Variants in TNR observed in about 807,000 individuals in gnomAD.
TNR encodes the protein tenascin R, also known as tenascin-R.
In TNR, 45 loss-of-function variants were observed where a neutral mutation model predicts 150.4. That is an observed-to-expected ratio of 0.30 (90% CI 0.24 to 0.38). The LOEUF (loss-of-function observed/expected upper bound fraction) is 0.38. Ranked by LOEUF, TNR falls within the 10% of genes least tolerant of loss-of-function variation. The pLI, the probability that TNR is intolerant of heterozygous loss-of-function variation, is 1.00. For synonymous variants in TNR, 687 were observed against 678.4 expected (o/e 1.01, Z -0.20); for missense variants, 1,544 against 1,759.1 (o/e 0.88, Z 2.19).
intron 1 of TNR, among the ~76,000 whole-genome samples, chr1:175,637,725 C>T (rs1664531890): frequency 1.3e-5 from 2 of 152,220 alleles, no homozygotes; most frequent in African/African-American, 4.8e-5. Context: ...CAGTGCGGCT[C>T]CAAGAAGAAA....
At chr1:175,741,646 C>T (rs1467066386) in intron 1 of TNR, among the ~76,000 whole-genome samples, 1 of 152,190 alleles carries the variant, frequency 6.6e-6, no homozygotes, top group African/African-American at 2.4e-5. Flanking sequence ...CTACTTCCTG[C>T]CACTCTAGGG....
At chr1:175,359,219 C>T (rs1014114038) in intron 15 of TNR, among the ~76,000 whole-genome samples, 1 of 129,312 alleles carries the variant, frequency 7.7e-6, no homozygotes, top group African/African-American at 2.8e-5. Flanking sequence ...GATCTTGGCT[C>T]ACTGTAACCT....
At chr1:175,596,380 G>C (rs1159284830) in intron 1 of TNR, among the ~76,000 whole-genome samples, 1 of 152,158 alleles carries the variant, frequency 6.6e-6, no homozygotes, top group African/African-American at 2.4e-5. Flanking sequence ...ATGCTCAGCT[G>C]TCATGACGTC....
At chr1:175,615,875 G>A (rs1571679149) in intron 1 of TNR, among the ~76,000 whole-genome samples, 1 of 152,204 alleles carries the variant, frequency 6.6e-6, no homozygotes, top group Admixed American at 6.5e-5. Context: ...TTGCATAGTA[G>A]TTAAGAATCT....
intron 7 of TNR, among the ~76,000 whole-genome samples, chr1:175,388,207 T>C (rs1369058112): frequency 6.6e-6 from 1 of 151,770 alleles, no homozygotes; most frequent in Non-Finnish European, 1.5e-5. Flanking sequence ...GAATGGAAAA[T>C]CTTCTTTATC....
At chr1:175,562,904 A>G (rs1398269382) in intron 1 of TNR, among the ~76,000 whole-genome samples, 1 of 152,246 alleles carries the variant, frequency 6.6e-6, no homozygotes, top group Non-Finnish European at 1.5e-5. Context: ...AAAAACAAAA[A>G]CAGCCACTCA....
chr1:175,487,434 C>T (rs1340201866), intron 2 of TNR, among the ~76,000 whole-genome samples: 1 of 152,172 alleles, frequency 6.6e-6, no homozygotes, highest in African/African-American at 2.4e-5. Flanking sequence ...ATTTGATGAT[C>T]TTCCCGACAT....
At chr1:175,598,629 AT>A (rs1464955130) in intron 1 of TNR, among the ~76,000 whole-genome samples, 1 of 152,258 alleles carries the variant, frequency 6.6e-6, no homozygotes, top group East Asian at 1.9e-4. Context: ...CTAAAAGGTT[AT>A]GAGTGTCTAG....
intron 2 of TNR, among the ~76,000 whole-genome samples, chr1:175,415,282 T>C (rs1654390200): frequency 6.6e-6 from 1 of 152,166 alleles, no homozygotes; most frequent in Non-Finnish European, 1.5e-5. Context: ...ATTGTGTCAG[T>C]GGAGGCAGCG....
intron 21 of TNR, among the ~76,000 whole-genome samples, chr1:175,327,360 C>CT (rs956684958): frequency 1.3e-5 from 2 of 152,140 alleles, no homozygotes; most frequent in African/African-American, 2.4e-5. Flanking sequence ...TTTATAATAC[C>CT]TTTTTCTTAA....
intron 5 of TNR, among the ~76,000 whole-genome samples, 181 bp from the exon 6 acceptor site, chr1:175,394,076 C>G (rs1653306804): frequency 6.6e-6 from 1 of 152,254 alleles, no homozygotes; most frequent in African/African-American, 2.4e-5. Flanking sequence ...CCCCATGTGG[C>G]TCTAGTGCTC....
chr1:175,396,629 C>T lies in TNR; in HGVS notation c.1155G>A (p.Leu385=). 6.2e-7 allele frequency: 1 copy of T among 1,614,240 alleles called. No individual in the cohort carries two copies. The highest frequency in any genetic ancestry group is 8.5e-7 in the Non-Finnish European group (1 of 1,180,040). Residue 385 remains leucine, a synonymous_variant, in exon 5 of 23, where the codon CTG becomes CTA. Transcript: ENST00000367674. ...TGATGTTGTAGGTGAGACCTGGCTC[C>T]AGCTCCGTGATGGTGACACCACTCC... ...GDWSGVTITE[L]EPGLTYNISV... is the part of the protein sequence containing the mutation.
intron 1 of TNR, among the ~76,000 whole-genome samples, chr1:175,648,225 G>A (rs907481079): frequency 6.6e-6 from 1 of 152,068 alleles, no homozygotes; most frequent in Non-Finnish European, 1.5e-5. Flanking sequence ...GGACAATGCC[G>A]CAGCTATGTT....
chr1:175,492,029 T>C (rs1407691661), intron 2 of TNR, among the ~76,000 whole-genome samples: 1 of 1,382 alleles, frequency 7.2e-4, no homozygotes, highest in African/African-American at 6.9e-3. Context: ...AGACCACTCA[T>C]TGTGGCCAAA....
rs1553203254 is a variant in TNR at position 175,331,041 on chromosome 1, C to CTTTCT, written c.3632-811_3632-807dup. ...TCTTTCTTTCTTTCTTTCTTTCTTT[C>CTTTCT]TTTCTTTCTTTCTTTCTTTCTTTCT... On this transcript the variant is annotated intron_variant, in intron 20 of 22. Coordinates refer to ENST00000367674, the MANE Select transcript of TNR (RefSeq NM_003285.3). 1.6e-3 allele frequency among the ~76,000 whole-genome samples: 121 copies of CTTTCT among 75,916 alleles called. 2 individuals are homozygous for CTTTCT. The highest frequency in any genetic ancestry group is 5.3e-3 in the African/African-American group (116 of 21,964). 49.8% of individuals were successfully genotyped at this position (75,916 alleles called of 152,430 possible). A position where few individuals can be genotyped will look rare whatever the true frequency, so the allele number is the denominator to read the frequency against.
chr1:175,703,160 A>G (rs970089929), intron 1 of TNR, among the ~76,000 whole-genome samples: 2 of 152,206 alleles, frequency 1.3e-5, no homozygotes, highest in South Asian at 2.1e-4. Flanking sequence ...AAATATTTAC[A>G]TTGGCAGATT....
chr1:175,432,005 G>T (rs1291799438), intron 2 of TNR, among the ~76,000 whole-genome samples: 1 of 144,858 alleles, frequency 6.9e-6, no homozygotes, highest in Non-Finnish European at 1.5e-5. Context: ...TTGAGACCTT[G>T]TTTCCCCAGC....
At chr1:175,482,085 T>C (rs1657835010) in intron 2 of TNR, among the ~76,000 whole-genome samples, 2 of 152,142 alleles carry the variant, frequency 1.3e-5, no homozygotes, top group Non-Finnish European at 2.9e-5. Flanking sequence ...AGCTGTGAGT[T>C]CAAGAGCAGA....
intron 1 of TNR, among the ~76,000 whole-genome samples, chr1:175,712,394 A>C (rs1398952358): frequency 6.6e-6 from 1 of 152,174 alleles, no homozygotes; most frequent in Non-Finnish European, 1.5e-5. Context: ...ACCAGTGAGG[A>C]GACCACTGCA....
Sources: gnomAD v4.1 joint callset for allele counts (sites outside exome capture counted in the v4.1 genomes callset) on GRCh38, gnomAD v4.1.1 for gene constraint, MANE v1.5 for transcripts, NCBI Gene and HGNC (gene_info 2026-07-23, HGNC 2026-07-21) for gene names.